MGAT4C: variants seen among roughly 807,000 people sequenced by gnomAD.
The protein encoded by MGAT4C is alpha-1,3-mannosyl-glycoprotein 4-beta-N-acetylglucosaminyltransferase C.
MGAT4C carries 19 observed loss-of-function variants against 40.1 expected under a neutral mutation model. The observed-to-expected ratio is 0.47, with a 90% CI of 0.33 to 0.70. The LOEUF (loss-of-function observed/expected upper bound fraction) is 0.70. MGAT4C is among the 30% of genes least tolerant of loss of function. The probability of loss-of-function intolerance (pLI) is 0.02; values close to 1 mark genes in which losing one functional copy is unlikely to be tolerated. For missense variants in MGAT4C, 491 were observed against 563.2 expected, an observed-to-expected ratio of 0.87 and a Z score of 1.30; for synonymous variants, 181 against 187.1, an observed-to-expected ratio of 0.97 and a Z score of 0.27.
chr12:86,004,769 G>A (rs940799816), intron 2 of MGAT4C, among the ~76,000 whole-genome samples: 1 of 152,028 alleles, frequency 6.6e-6, no homozygotes, highest in Non-Finnish European at 1.5e-5. Flanking sequence ...CTTATTTATG[G>A]AACCACAGAA....
At chr12:86,602,061 T>A (rs1407915998) in intron 2 of MGAT4C, among the ~76,000 whole-genome samples, 1 of 152,150 alleles carries the variant, frequency 6.6e-6, no homozygotes, top group East Asian at 1.9e-4. Flanking sequence ...CCGGAGCCTG[T>A]GCTGGCACCT....
In MGAT4C at chr12:85,973,204, CT is replaced by C. The variant is rs1308817677; in HGVS notation, c.*6084del. The C allele has an allele frequency of 2.0e-5, 3 of 150,842 alleles. No homozygotes were observed. Among genetic ancestry groups the C allele is most frequent in the African/African-American group, 7.3e-5 (3 of 41,328 alleles). The allele number at this position is 150,842 out of a possible 1,614,324, so 9.3% of individuals were successfully genotyped here. A position where few individuals can be genotyped will look rare whatever the true frequency, so the allele number is the denominator to read the frequency against. On this transcript the variant is annotated 3_prime_UTR_variant, in exon 5 of 5. Coordinates refer to ENST00000611864, the MANE Select transcript of MGAT4C (RefSeq NM_001351288.2). ...AGGGTGGAAGAGACAAATCCTACGT[CT>C]CTTCCAGAACTTCGAGTGCACTATA...
At chr12:86,315,876 G>T (rs1954206847) in intron 4 of MGAT4C, among the ~76,000 whole-genome samples, 1 of 151,654 alleles carries the variant, frequency 6.6e-6, no homozygotes, top group African/African-American at 2.4e-5. Context: ...AAGAGACTCT[G>T]CACAGCAAAA....
chr12:86,491,792 C>T (rs909104889), intron 2 of MGAT4C, among the ~76,000 whole-genome samples: 1 of 151,294 alleles, frequency 6.6e-6, no homozygotes, highest in African/African-American at 2.4e-5. Context: ...GAAGTTCTGG[C>T]CAGGGCAATT....
At chr12:86,381,443 G>T (rs1592767020) in intron 3 of MGAT4C, among the ~76,000 whole-genome samples, 1 of 152,080 alleles carries the variant, frequency 6.6e-6, no homozygotes, top group Admixed American at 6.6e-5. Context: ...GAGTCCAAAG[G>T]CCTGTGAGCC....
At chr12:86,320,046 C>CTGA (rs1954342325) in intron 4 of MGAT4C, among the ~76,000 whole-genome samples, 1 of 152,082 alleles carries the variant, frequency 6.6e-6, no homozygotes. Flanking sequence ...GAAGGACAGA[C>CTGA]TGATATCTGC....
intron 2 of MGAT4C, among the ~76,000 whole-genome samples, chr12:86,484,612 A>G (rs960263736): frequency 2.0e-5 from 3 of 152,158 alleles, no homozygotes; most frequent in Non-Finnish European, 4.4e-5. Context: ...GCATGGGAGG[A>G]TCCCCCACAC....
intron 1 of MGAT4C, among the ~76,000 whole-genome samples, chr12:86,799,893 T>C (rs1286071362): frequency 1.3e-5 from 2 of 151,842 alleles, no homozygotes; most frequent in African/African-American, 4.8e-5. Flanking sequence ...TCTCTTGAAT[T>C]TGAGAGTGAG....
chr12:86,808,780 A>T (rs1248532886), intron 1 of MGAT4C, among the ~76,000 whole-genome samples: 2 of 152,046 alleles, frequency 1.3e-5, no homozygotes, highest in Non-Finnish European at 2.9e-5. Context: ...TGTCCAGCAC[A>T]ATCAAGCAAT....
At chr12:86,267,362 G>A (rs982937254) in intron 4 of MGAT4C, among the ~76,000 whole-genome samples, 4 of 151,970 alleles carry the variant, frequency 2.6e-5, no homozygotes, top group Non-Finnish European at 5.9e-5. Context: ...TCTTAAACTT[G>A]GAAGTGAAAG....
intron 4 of MGAT4C, among the ~76,000 whole-genome samples, chr12:86,268,462 ATCT>A (rs1952844963): frequency 6.6e-6 from 1 of 151,656 alleles, no homozygotes; most frequent in Admixed American, 6.6e-5. Flanking sequence ...TTTTTTCTTC[ATCT>A]TCTTCACTTC....
At chr12:86,810,231 G>A (rs1593228412) in intron 1 of MGAT4C, among the ~76,000 whole-genome samples, 2 of 151,756 alleles carry the variant, frequency 1.3e-5, no homozygotes, top group Admixed American at 6.6e-5. Flanking sequence ...GGCATTTGGG[G>A]AATTTGACTT....
chr12:86,564,184 T>C (rs932914129), intron 2 of MGAT4C, among the ~76,000 whole-genome samples: 5 of 152,190 alleles, frequency 3.3e-5, no homozygotes, highest in East Asian at 1.9e-4. Flanking sequence ...CAGTGGATTA[T>C]AGTAAGCTTA....
intron 1 of MGAT4C, among the ~76,000 whole-genome samples, chr12:86,232,326 T>C (rs1951357183): frequency 6.6e-6 from 1 of 152,178 alleles, no homozygotes; most frequent in Middle Eastern, 3.2e-3. Flanking sequence ...TTGGCTAAGA[T>C]AACATTCACA....
At chr12:86,110,338 GTCTC>G (rs1375046285) in intron 1 of MGAT4C, among the ~76,000 whole-genome samples, 2 of 18,290 alleles carry the variant, frequency 1.1e-4, no homozygotes, top group African/African-American at 4.1e-4. Flanking sequence ...TCTGTATATA[GTCTC>G]TCTCTCTATA....
intron 1 of MGAT4C, among the ~76,000 whole-genome samples, chr12:86,830,696 A>G (rs1952906685): frequency 6.7e-6 from 1 of 149,368 alleles, no homozygotes; most frequent in Non-Finnish European, 1.5e-5. Flanking sequence ...CTGCCTCTAT[A>G]TTACAAGATG....
intron 3 of MGAT4C, among the ~76,000 whole-genome samples, chr12:86,376,336 C>A (rs1370743929): frequency 6.6e-6 from 1 of 151,724 alleles, no homozygotes; most frequent in Non-Finnish European, 1.5e-5. Context: ...TGAGATCCAA[C>A]CACCGCACTC....
intron 1 of MGAT4C, among the ~76,000 whole-genome samples, chr12:86,245,542 T>A (rs1951989821): frequency 6.6e-6 from 1 of 152,226 alleles, no homozygotes; most frequent in South Asian, 2.1e-4. Flanking sequence ...TTAGCCCGAA[T>A]ACAAGAGATT....
At chr12:86,628,779 C>T (rs1962913017) in intron 2 of MGAT4C, among the ~76,000 whole-genome samples, 1 of 152,110 alleles carries the variant, frequency 6.6e-6, no homozygotes, top group African/African-American at 2.4e-5. Flanking sequence ...CCAGTGCAAG[C>T]CACTGCAAAA....
Sources: allele counts gnomAD v4.1 joint callset (sites outside exome capture counted in the v4.1 genomes callset), GRCh38; gene constraint gnomAD v4.1.1; transcripts MANE v1.5; gene names NCBI Gene and HGNC (gene_info 2026-07-23, HGNC 2026-07-21).